The following NCKAP5 variants were observed in gnomAD, a reference collection of about 807,000 sequenced individuals.
NCKAP5 encodes NCK associated protein 5.
Under a neutral mutation model 167.0 loss-of-function variants are expected in NCKAP5, and 92 were observed. That is an observed-to-expected ratio of 0.55 (90% confidence interval 0.47 to 0.66). The LOEUF is 0.66. Ranked by LOEUF, NCKAP5 falls within the 30% of genes least tolerant of loss-of-function variation. The pLI, the probability that NCKAP5 is intolerant of heterozygous loss-of-function variation, is 0.00. For synonymous variants in NCKAP5, 891 were observed against 877.4 expected, an observed-to-expected ratio of 1.02 and a Z score of -0.27; for missense variants, 2,378 against 2,315.0, an observed-to-expected ratio of 1.03 and a Z score of -0.56.
intron 3 of NCKAP5, chr2:133,391,384 A>T (rs538933814): frequency 6.5e-6 from 1 of 154,802 alleles, no homozygotes; most frequent in South Asian, 2.1e-4. Flanking sequence ...TCACAGCCAG[A>T]TCACCCTCAC....
intron 5 of NCKAP5, among the ~76,000 whole-genome samples, chr2:133,159,544 T>C (rs948664710): frequency 6.6e-6 from 1 of 152,186 alleles, no homozygotes; most frequent in Non-Finnish European, 1.5e-5. Flanking sequence ...GAACGATCTA[T>C]AGGGAGGGCA....
At chr2:132,822,798 G>T (rs1268905706) in intron 11 of NCKAP5, among the ~76,000 whole-genome samples, 1 of 151,380 alleles carries the variant, frequency 6.6e-6, no homozygotes, top group Non-Finnish European at 1.5e-5. Flanking sequence ...TCAACTTCAA[G>T]AAATAAAAAA....
intron 4 of NCKAP5, among the ~76,000 whole-genome samples, chr2:133,234,813 G>GA (rs1461583233): frequency 6.6e-6 from 1 of 151,548 alleles, no homozygotes; most frequent in Non-Finnish European, 1.5e-5. Context: ...TCAGAAAGAT[G>GA]AAAAATGTTA....
chr2:132,796,861 G>T (rs1684649908), intron 11 of NCKAP5, 132 bp from the exon 12 acceptor site: 3 of 617,182 alleles, frequency 4.9e-6, no homozygotes, highest in Non-Finnish European at 8.5e-6. Context: ...ATTAAAAAAA[G>T]TTTATTCTAG....
At chr2:133,197,585 T>A (rs929692957) in intron 5 of NCKAP5, among the ~76,000 whole-genome samples, 2 of 151,862 alleles carry the variant, frequency 1.3e-5, no homozygotes, top group Non-Finnish European at 2.9e-5. Flanking sequence ...AACCCCAAGA[T>A]GACACAGATG....
the NCKAP5 span, among the ~76,000 whole-genome samples, chr2:133,581,629 A>G: frequency 6.6e-6 from 1 of 152,170 alleles, no homozygotes. Context: ...AACCAAACAC[A>G]GCTGCTGCTC....
intron 2 of NCKAP5, chr2:133,558,223 T>C (rs1016749037): frequency 2.0e-5 from 3 of 152,112 alleles, no homozygotes; most frequent in African/African-American, 7.2e-5. Flanking sequence ...CCTAGGGCAT[T>C]TGAAGATTAT....
intron 4 of NCKAP5, among the ~76,000 whole-genome samples, chr2:133,286,746 G>A (rs1050943671): frequency 1.3e-5 from 2 of 152,076 alleles, no homozygotes; most frequent in African/African-American, 4.8e-5. Flanking sequence ...AATGAAGACT[G>A]AAAAACAAGT....
intron 8 of NCKAP5, among the ~76,000 whole-genome samples, chr2:132,886,671 T>A (rs1692246515): frequency 6.6e-6 from 1 of 152,230 alleles, no homozygotes; most frequent in Non-Finnish European, 1.5e-5. Flanking sequence ...TCAATTTGAA[T>A]TCGCCTGATG....
chr2:133,325,952 G>A (rs1385781872), intron 3 of NCKAP5, among the ~76,000 whole-genome samples: 2 of 152,188 alleles, frequency 1.3e-5, no homozygotes, highest in African/African-American at 4.8e-5. Context: ...GTTGTTGATG[G>A]TGTGTGCTGG....
At chr2:132,980,044 C>G (rs1467680854) in intron 7 of NCKAP5, among the ~76,000 whole-genome samples, 6 of 146,616 alleles carry the variant, frequency 4.1e-5, no homozygotes, top group Non-Finnish European at 8.9e-5. Flanking sequence ...GACTGTAGTA[C>G]AGTGGGGCCA....
At chr2:132,899,895 A>G (rs78142809) in intron 8 of NCKAP5, among the ~76,000 whole-genome samples, 2 of 152,010 alleles carry the variant, frequency 1.3e-5, no homozygotes, top group Admixed American at 6.6e-5. Context: ...ACAAACAAAA[A>G]CAAACAAACA....
rs749106006 is a variant in NCKAP5 at position 132,728,788 on chromosome 2, G to A, written c.5580+28C>T. 9.9e-6 allele frequency: 16 copies of A among 1,611,474 alleles called. No homozygotes were observed. In the South Asian group the frequency reaches 1.8e-4, roughly 18 times the overall value. ...TAGAATCAGGACCAACAGGTGGATT[G>A]CACCCTTCACCTCCCCCGACCCCTC... is the stretch of plus-strand genomic sequence containing the variant. On this transcript the variant is annotated intron_variant, in intron 18 of 19. Coordinates refer to ENST00000409261, the MANE Select transcript of NCKAP5 (RefSeq NM_207363.3).
At chr2:133,512,081 C>G in intron 3 of NCKAP5, among the ~76,000 whole-genome samples, 1 of 152,150 alleles carries the variant, frequency 6.6e-6, no homozygotes, top group East Asian at 1.9e-4. Context: ...TGAAGCAGTA[C>G]AGAATAAAGA....
At chr2:132,762,861 A>G (rs1215520367) in intron 16 of NCKAP5, among the ~76,000 whole-genome samples, 1 of 152,194 alleles carries the variant, frequency 6.6e-6, no homozygotes, top group Non-Finnish European at 1.5e-5. Context: ...CCTGTATCAT[A>G]ACAAACCACT....
At chr2:133,480,410 A>T (rs1236325712) in intron 3 of NCKAP5, among the ~76,000 whole-genome samples, 1 of 135,220 alleles carries the variant, frequency 7.4e-6, no homozygotes, top group Non-Finnish European at 1.7e-5. Flanking sequence ...GCTTGGCTCC[A>T]TGTTCTCCCA....
intron 3 of NCKAP5, 33 bp from the exon 4 acceptor site, chr2:133,303,143 A>C: frequency 3.2e-5 from 47 of 1,467,780 alleles, no homozygotes; most frequent in Non-Finnish European, 3.9e-5. Context: ...ATGAAAACTC[A>C]CTATGACAGT....
chr2:132,708,576 C>G (rs1185754299), intron 19 of NCKAP5, among the ~76,000 whole-genome samples: 1 of 152,144 alleles, frequency 6.6e-6, no homozygotes, highest in Non-Finnish European at 1.5e-5. Context: ...GCTTCTGACT[C>G]CAGGCCCTGG....
At chr2:133,494,859 A>G (rs908572893) in intron 3 of NCKAP5, among the ~76,000 whole-genome samples, 2 of 152,174 alleles carry the variant, frequency 1.3e-5, no homozygotes, top group African/African-American at 4.8e-5. Flanking sequence ...GAAAATCTAC[A>G]TTTTGTCGAG....
Sources: gnomAD v4.1 joint callset for allele counts (sites outside exome capture counted in the v4.1 genomes callset) on GRCh38, gnomAD v4.1.1 for gene constraint, MANE v1.5 for transcripts, NCBI Gene and HGNC (gene_info 2026-07-23, HGNC 2026-07-21) for gene names.